LINGO2: variants seen among roughly 807,000 people sequenced by gnomAD.
LINGO2 encodes leucine rich repeat and Ig domain containing 2.
A neutral mutation model predicts 30.6 loss-of-function variants in LINGO2; 14 were observed. That is an observed-to-expected ratio of 0.46 (90% confidence interval 0.30 to 0.72). The LOEUF is 0.72. Ranked by LOEUF, LINGO2 falls within the 30% of genes least tolerant of loss-of-function variation. LINGO2 has a pLI of 0.07. For synonymous variants in LINGO2, 317 were observed against 288.5 expected, an observed-to-expected ratio of 1.10 and a Z score of -1.00; for missense variants, 729 against 751.7, an observed-to-expected ratio of 0.97 and a Z score of 0.35.
chr9:28,681,978 G>A, the LINGO2 span, among the ~76,000 whole-genome samples: 1 of 152,092 alleles, frequency 6.6e-6, no homozygotes, highest in African/African-American at 2.4e-5. Context: ...GAGATTCAGA[G>A]AGGTAGAGTG....
the LINGO2 span, among the ~76,000 whole-genome samples, chr9:29,109,294 T>C: frequency 8.5e-5 from 13 of 152,178 alleles, no homozygotes; most frequent in African/African-American, 2.4e-4. Context: ...ACTGTTTCAA[T>C]GACTGCCCAT....
chr9:28,848,714 TAC>T, the LINGO2 span, among the ~76,000 whole-genome samples: 1 of 151,648 alleles, frequency 6.6e-6, no homozygotes, highest in South Asian at 2.1e-4. Flanking sequence ...GCCAAAGAGA[TAC>T]AGTTTATTTG....
At chr9:28,102,837 GGACA>G (rs1177538349) in intron 4 of LINGO2, among the ~76,000 whole-genome samples, 2 of 152,154 alleles carry the variant, frequency 1.3e-5, no homozygotes, top group African/African-American at 4.8e-5. Context: ...GAAATTAAGT[GGACA>G]GACATTCTTC....
intron 4 of LINGO2, among the ~76,000 whole-genome samples, chr9:28,015,129 T>C (rs1253136222): frequency 6.6e-6 from 1 of 152,156 alleles, no homozygotes; most frequent in Non-Finnish European, 1.5e-5. Flanking sequence ...TCGTCCACGC[T>C]ACTCAGTCCT....
At chr9:28,155,982 G>A (rs10968355) in intron 4 of LINGO2, among the ~76,000 whole-genome samples, 11,171 of 152,186 alleles carry the variant, frequency 0.073, 493 homozygotes, top group East Asian at 0.2. Flanking sequence ...TGTTGTCCAC[G>A]AGACACTCAG....
At chr9:28,839,720 T>C in the LINGO2 span, among the ~76,000 whole-genome samples, 1 of 152,276 alleles carries the variant, frequency 6.6e-6, no homozygotes, top group Admixed American at 6.5e-5. Flanking sequence ...TAAAGTACCA[T>C]AAGTTCTCAC....
chr9:29,066,979 T>C, the LINGO2 span, among the ~76,000 whole-genome samples: 1 of 151,808 alleles, frequency 6.6e-6, no homozygotes, highest in East Asian at 1.9e-4. Context: ...GGGCAACTTA[T>C]TGTCTAACAG....
chr9:29,049,508 T>C, the LINGO2 span, among the ~76,000 whole-genome samples: 1 of 152,216 alleles, frequency 6.6e-6, no homozygotes. Flanking sequence ...CTTCTATGTT[T>C]GTTGCAGCAC....
intron 3 of LINGO2, among the ~76,000 whole-genome samples, chr9:28,346,798 T>C (rs1021987678): frequency 6.6e-6 from 1 of 152,060 alleles, no homozygotes; most frequent in Non-Finnish European, 1.5e-5. Context: ...ATTGAGTCTT[T>C]TTTTTTTCAT....
chr9:28,667,446 C>T (rs1469061037), intron 1 of LINGO2, among the ~76,000 whole-genome samples: 2 of 151,944 alleles, frequency 1.3e-5, no homozygotes, highest in African/African-American at 2.4e-5. Flanking sequence ...CTAATCCTCT[C>T]AAACCTTCAA....
At chr9:28,928,681 T>C in the LINGO2 span, among the ~76,000 whole-genome samples, 2 of 152,082 alleles carry the variant, frequency 1.3e-5, no homozygotes, top group African/African-American at 2.4e-5. Context: ...GGATTTCTAA[T>C]GGTAGCAGGA....
At chr9:27,938,407 C>G in the LINGO2 span, 2 of 152,146 alleles carry the variant, frequency 1.3e-5, no homozygotes, top group Admixed American at 6.5e-5. Flanking sequence ...TCATGCTTTT[C>G]ATGGTAAGCC....
At chr9:29,038,307 A>C in the LINGO2 span, among the ~76,000 whole-genome samples, 5 of 152,034 alleles carry the variant, frequency 3.3e-5, no homozygotes, top group Non-Finnish European at 5.9e-5. Flanking sequence ...GTTTACTGAT[A>C]ATTGACATTA....
the LINGO2 span, among the ~76,000 whole-genome samples, chr9:28,886,165 A>G: frequency 6.6e-6 from 1 of 152,160 alleles, no homozygotes; most frequent in Non-Finnish European, 1.5e-5. Context: ...CAGTGTACTG[A>G]CATGCCTTTA....
intron 4 of LINGO2, among the ~76,000 whole-genome samples, chr9:28,111,826 C>T (rs117927012): frequency 0.011 from 1,627 of 152,150 alleles, 12 homozygotes; most frequent in Non-Finnish European, 0.018. Flanking sequence ...GAGAGTGATG[C>T]ATTATTTCTG....
chr9:28,137,198 G>GAC (rs3064725), intron 4 of LINGO2, among the ~76,000 whole-genome samples: 77,037 of 147,964 alleles, frequency 0.52, 20,389 homozygotes, highest in East Asian at 0.79. Flanking sequence ...GAAAATCCCT[G>GAC]ACACACACAC....
chr9:29,112,890 C>T, the LINGO2 span, among the ~76,000 whole-genome samples: 1 of 152,162 alleles, frequency 6.6e-6, no homozygotes, highest in African/African-American at 2.4e-5. Flanking sequence ...TATTAACCCA[C>T]TTAATATTCA....
the LINGO2 span, among the ~76,000 whole-genome samples, chr9:28,854,578 C>A: frequency 1.3e-5 from 2 of 151,682 alleles, no homozygotes; most frequent in East Asian, 3.9e-4. Flanking sequence ...AGGTAGTATC[C>A]CTTAGCCACA....
At chr9:28,030,583 T>A (rs566816845) in intron 4 of LINGO2, among the ~76,000 whole-genome samples, 1 of 152,362 alleles carries the variant, frequency 6.6e-6, no homozygotes, top group Non-Finnish European at 1.5e-5. Flanking sequence ...TACTCAATGC[T>A]TTAAGTATCT....
Sources: allele counts gnomAD v4.1 joint callset (sites outside exome capture counted in the v4.1 genomes callset), GRCh38; gene constraint gnomAD v4.1.1; transcripts MANE v1.5; gene names NCBI Gene and HGNC (gene_info 2026-07-23, HGNC 2026-07-21).